The following KLHL7 variants were observed in gnomAD, a reference collection of about 807,000 sequenced individuals.
KLHL7 encodes the protein kelch-like protein 7.
In KLHL7, 44 loss-of-function variants were observed where a neutral mutation model predicts 67.4. That is an observed-to-expected ratio of 0.65 (90% confidence interval 0.51 to 0.84). The LOEUF (loss-of-function observed/expected upper bound fraction) is 0.84. KLHL7 is among the 40% of genes least tolerant of loss of function. KLHL7 has a pLI of 0.00. For synonymous variants in KLHL7, 252 were observed against 243.3 expected (o/e 1.04, Z -0.33); for missense variants, 362 against 718.1 (o/e 0.50, Z 5.67).
rs2128465033 is a variant in KLHL7, at chr7:23,143,855, A to G, written c.623A>G (p.Tyr208Cys). The change falls in exon 6 of 11, where the codon TAT becomes TGT. Residue 208 changes from tyrosine (Y) to cysteine (C), a missense_variant. Transcript: ENST00000339077. ...TGTGCTGTTTTTCCCCCTTAGGTTT[A>G]TGATGCTGCAGTCAGGTGGTTGAAA... The part of the protein sequence containing the change: ...TLTVRAEDQV[Y>C]DAAVRWLKYD... The G allele has an allele frequency of 1.2e-6, 2 of 1,614,080 alleles. No individual in the cohort carries two copies. The highest frequency in any genetic ancestry group is 1.7e-6 in the Non-Finnish European group (2 of 1,179,962).
intron 4 of KLHL7, among the ~76,000 whole-genome samples, chr7:23,134,340 A>AAT (rs1783902036): frequency 6.6e-6 from 1 of 151,964 alleles, no homozygotes; most frequent in African/African-American, 2.4e-5. Flanking sequence ...TGTGTTGTTG[A>AAT]ATTTGGTTTG....
chr7:23,130,362 C>T (rs1783755115), intron 4 of KLHL7, among the ~76,000 whole-genome samples: 1 of 152,186 alleles, frequency 6.6e-6, no homozygotes, highest in African/African-American at 2.4e-5. Flanking sequence ...ACTGGATTTA[C>T]AGATCTGTTG....
intron 9 of KLHL7, 145 bp from the exon 10 acceptor site, chr7:23,172,803 T>G: frequency 1.6e-6 from 1 of 641,472 alleles, no homozygotes; most frequent in Non-Finnish European, 2.8e-6. Context: ...AACTTTTGTT[T>G]TCTACCCTTC....
intron 9 of KLHL7, among the ~76,000 whole-genome samples, chr7:23,170,538 A>G (rs1321333820): frequency 1.3e-5 from 2 of 152,208 alleles, no homozygotes; most frequent in African/African-American, 2.4e-5. Flanking sequence ...ACAATAATTT[A>G]TTGTATATTT....
chr7:23,171,136 A>C (rs745927982), intron 9 of KLHL7: 1 of 333,388 alleles, frequency 3.0e-6, no homozygotes, highest in South Asian at 2.3e-5. Context: ...CCATCTCTTG[A>C]CCTTGTGATC....
At chr7:23,132,225 T>G (rs1783828069) in intron 4 of KLHL7, among the ~76,000 whole-genome samples, 1 of 152,222 alleles carries the variant, frequency 6.6e-6, no homozygotes, top group Non-Finnish European at 1.5e-5. Flanking sequence ...TTGAGAAACC[T>G]CCAAGCTATT....
intron 4 of KLHL7, among the ~76,000 whole-genome samples, chr7:23,131,341 T>C (rs778195700): frequency 6.6e-6 from 1 of 152,252 alleles, no homozygotes; most frequent in Non-Finnish European, 1.5e-5. Context: ...CAAATGGTTC[T>C]TGTGTATTTT....
At chr7:23,126,237 G>C (rs565733653) in intron 4 of KLHL7, among the ~76,000 whole-genome samples, 20 of 152,270 alleles carry the variant, frequency 1.3e-4, no homozygotes, top group African/African-American at 4.8e-4. Flanking sequence ...GCAGGATGGA[G>C]CAGGATGACG....
At chr7:23,143,707 C>G (rs1441052285) in intron 5 of KLHL7, 144 bp from the exon 6 acceptor site, 3 of 850,752 alleles carry the variant, frequency 3.5e-6, no homozygotes, top group East Asian at 4.9e-5. Context: ...TTTGAAGAAC[C>G]AGCAAGTGTC....
chr7:23,162,892 C>T (rs191006196), intron 7 of KLHL7, among the ~76,000 whole-genome samples: 218 of 152,216 alleles, frequency 1.4e-3, no homozygotes, highest in African/African-American at 4.8e-3. Flanking sequence ...ATTTTGCTTT[C>T]TTTTTTCCCT....
intron 4 of KLHL7, among the ~76,000 whole-genome samples, chr7:23,125,563 T>A (rs1783536909): frequency 1.3e-5 from 2 of 152,186 alleles, no homozygotes; most frequent in Admixed American, 6.5e-5. Flanking sequence ...AGAGGTCACA[T>A]AGCTAGTGTA....
intron 4 of KLHL7, among the ~76,000 whole-genome samples, chr7:23,133,331 T>G (rs978915263): frequency 6.6e-6 from 1 of 152,168 alleles, no homozygotes; most frequent in African/African-American, 2.4e-5. Context: ...CAGTGTTTTA[T>G]AGTTTTCATT....
intron 1 of KLHL7, among the ~76,000 whole-genome samples, chr7:23,108,805 T>C (rs1782750153): frequency 6.6e-6 from 1 of 152,106 alleles, no homozygotes; most frequent in Admixed American, 6.5e-5. Flanking sequence ...TAAACTCTTG[T>C]GTTTTGTTTT....
chr7:23,135,147 G>T (rs6948469), intron 4 of KLHL7, among the ~76,000 whole-genome samples: 69,249 of 151,978 alleles, frequency 0.46, 17,988 homozygotes, highest in African/African-American at 0.72. Flanking sequence ...GTTACTTGTT[G>T]CAAGAAATTT....
At position 23,175,487 on chromosome 7, in the gene KLHL7, GTC is replaced by G. The variant is rs993975005; in HGVS notation, c.*1193_*1194del. The G allele has an allele frequency of 3.4e-5, 13 of 379,388 alleles. No individual in the cohort carries two copies. The highest frequency in any genetic ancestry group is 6.5e-5 in the Non-Finnish European group (13 of 198,648). The allele number at this position is 379,388 out of a possible 1,614,324, so 23.5% of individuals were successfully genotyped here. On this transcript the variant is annotated 3_prime_UTR_variant, in exon 11 of 11. Transcript: ENST00000339077. The stretch of plus-strand genomic sequence containing the variant: ...TTGTTTTTAGAATTTGTGAACCAGT[GTC>G]TCTTAATTTTCAGTTTTCTTTATAT...
intron 7 of KLHL7, among the ~76,000 whole-genome samples, chr7:23,155,766 A>G (rs1048769575): frequency 2.0e-5 from 3 of 152,242 alleles, no homozygotes; most frequent in Non-Finnish European, 2.9e-5. Flanking sequence ...TATGGTGTTG[A>G]TTTTGGCAGT....
intron 1 of KLHL7, among the ~76,000 whole-genome samples, chr7:23,115,668 C>T (rs539339347): frequency 6.6e-6 from 1 of 152,042 alleles, no homozygotes; most frequent in Non-Finnish European, 1.5e-5. Context: ...CTCAGCCTCC[C>T]GAGCAGCTGG....
At chr7:23,124,911 A>G (rs1438909474) in intron 3 of KLHL7, 130 bp downstream of exon 3, 2 of 1,054,082 alleles carry the variant, frequency 1.9e-6, no homozygotes, top group African/African-American at 1.6e-5. Flanking sequence ...GAGTTTCAGT[A>G]TCCTATGCCA....
chr7:23,144,076 A>G, intron 6 of KLHL7, 51 bp downstream of exon 6: 2 of 1,475,622 alleles, frequency 1.4e-6, no homozygotes. Context: ...CCAGTTTCTC[A>G]TGGGCTTAAA....
Sources: gnomAD v4.1 joint callset for allele counts (sites outside exome capture counted in the v4.1 genomes callset) on GRCh38, gnomAD v4.1.1 for gene constraint, MANE v1.5 for transcripts, NCBI Gene and HGNC (gene_info 2026-07-23, HGNC 2026-07-21) for gene names.